PCSK6: variants seen among roughly 807,000 people sequenced by gnomAD.
PCSK6 encodes the protein proprotein convertase subtilisin/kexin type 6.
A neutral mutation model predicts 123.3 loss-of-function variants in PCSK6; 85 were observed. That is an observed-to-expected ratio of 0.69 (90% confidence interval 0.58 to 0.83). The LOEUF is 0.83. PCSK6 is among the 40% of genes least tolerant of loss of function. The probability of loss-of-function intolerance (pLI) is 0.00; values close to 1 mark genes in which losing one functional copy is unlikely to be tolerated. For missense variants in PCSK6, 1,191 were observed against 1,282.3 expected (o/e 0.93, Z 1.09); for synonymous variants, 508 against 516.0 (o/e 0.98, Z 0.21).
At chr15:101,433,760 T>C (rs1386208731) in intron 2 of PCSK6, among the ~76,000 whole-genome samples, 4 of 152,226 alleles carry the variant, frequency 2.6e-5, no homozygotes, top group African/African-American at 7.2e-5. Flanking sequence ...TCCTCCTCCC[T>C]GAGCCTTGGC....
intron 6 of PCSK6, among the ~76,000 whole-genome samples, chr15:101,413,005 TGAGGAGGAGGAGGAGGAGGAGGAG>T (rs925761371): frequency 3.8e-5 from 4 of 106,028 alleles, no homozygotes; most frequent in African/African-American, 1.6e-4. Context: ...GGAGGAGGAG[TGAGGAGGAGGAGGAGGAGGAGGAG>T]GAGGAGGAGG....
At chr15:101,426,985 C>T (rs934298030) in intron 6 of PCSK6, among the ~76,000 whole-genome samples, 1 of 152,210 alleles carries the variant, frequency 6.6e-6, no homozygotes, top group African/African-American at 2.4e-5. Flanking sequence ...CCCTGGAGGC[C>T]CTCTGGCACT....
At chr15:101,461,144 C>A (rs562100798) in intron 1 of PCSK6, among the ~76,000 whole-genome samples, 1 of 151,968 alleles carries the variant, frequency 6.6e-6, no homozygotes, top group East Asian at 1.9e-4. Flanking sequence ...AAAATTAAGG[C>A]GCAAACGAAT....
At chr15:101,419,930 T>A (rs190309970) in intron 6 of PCSK6, among the ~76,000 whole-genome samples, 40 of 152,174 alleles carry the variant, frequency 2.6e-4, no homozygotes, top group African/African-American at 9.4e-4. Flanking sequence ...CTCACACCTG[T>A]AATCCCAGTA....
At chr15:101,379,366 C>T (rs978032270) in intron 11 of PCSK6, among the ~76,000 whole-genome samples, 2 of 152,250 alleles carry the variant, frequency 1.3e-5, no homozygotes, top group African/African-American at 2.4e-5. Flanking sequence ...GGTGTGGACA[C>T]ATGCCCCAGC....
chr15:101,367,674 A>C (rs868575755), intron 12 of PCSK6, among the ~76,000 whole-genome samples: 2 of 152,246 alleles, frequency 1.3e-5, no homozygotes, highest in Non-Finnish European at 1.5e-5. Context: ...AAACTGATAA[A>C]GCTGCTAAAT....
At chr15:101,335,882 GGCT>G (rs2141378050) in intron 13 of PCSK6, among the ~76,000 whole-genome samples, 1 of 152,312 alleles carries the variant, frequency 6.6e-6, no homozygotes, top group South Asian at 2.1e-4. Flanking sequence ...TACAGCCTGC[GGCT>G]CCCAGGCCAC....
chr15:101,359,615 C>T (rs1014565987), intron 13 of PCSK6, among the ~76,000 whole-genome samples: 2 of 152,260 alleles, frequency 1.3e-5, no homozygotes, highest in Non-Finnish European at 2.9e-5. Flanking sequence ...AAGGCCAAGG[C>T]CAGAGCTGCT....
chr15:101,316,663 G>A (rs1014495622), intron 19 of PCSK6, among the ~76,000 whole-genome samples: 1 of 152,224 alleles, frequency 6.6e-6, no homozygotes, highest in Non-Finnish European at 1.5e-5. Context: ...GTGGCCTTGA[G>A]GGCTGCCCCA....
intron 15 of PCSK6, among the ~76,000 whole-genome samples, chr15:101,330,488 A>G (rs984626190): frequency 2.0e-5 from 3 of 152,004 alleles, no homozygotes; most frequent in Non-Finnish European, 4.4e-5. Context: ...TTTGGCTTCC[A>G]TACTCTGGCA....
intron 7 of PCSK6, among the ~76,000 whole-genome samples, chr15:101,394,137 G>GT (rs1444048837): frequency 0.29 from 25,550 of 88,400 alleles, 2,717 homozygotes; most frequent in East Asian, 0.42. Flanking sequence ...CCGTTTTTTT[G>GT]TTTTTTGTTT....
intron 1 of PCSK6, among the ~76,000 whole-genome samples, chr15:101,480,519 C>T (rs1250426396): frequency 6.6e-6 from 1 of 152,246 alleles, no homozygotes; most frequent in Admixed American, 6.5e-5. Context: ...GCGTGAGGCT[C>T]CTGACAGCTG....
chr15:101,448,309 G>A (rs2056945338), intron 1 of PCSK6, among the ~76,000 whole-genome samples: 1 of 152,180 alleles, frequency 6.6e-6, no homozygotes, highest in Non-Finnish European at 1.5e-5. Flanking sequence ...AACACTGGAA[G>A]GAATGAGATC....
intron 13 of PCSK6, among the ~76,000 whole-genome samples, chr15:101,356,154 A>G (rs1027079461): frequency 1.3e-5 from 2 of 152,210 alleles, no homozygotes; most frequent in Admixed American, 6.5e-5. Flanking sequence ...AATGCAGCCA[A>G]ACTTCTCCGA....
chr15:101,485,613 T>C (rs1255712181), intron 1 of PCSK6, among the ~76,000 whole-genome samples: 1 of 152,214 alleles, frequency 6.6e-6, no homozygotes, highest in Non-Finnish European at 1.5e-5. Context: ...GGAGAGCCTG[T>C]TCTCCCAGCA....
In PCSK6 at chr15:101,370,382, G is replaced by T. The variant is rs1217710454; in HGVS notation, c.1674C>A (p.Ile558=). The T allele has an allele frequency of 3.2e-6, 5 of 1,554,780 alleles. No individual in the cohort carries two copies. The African/African-American group carries it at 6.8e-5, about 21-fold the overall frequency. ...TGGTTCCCGAGGGAGAAACCAGGTA[G>T]ATCTGGAGGTCTCCTCGGCGTGGGT... ...ISHPRRGDLQ[I]YLVSPSGTKS... The change falls in exon 12 of 22, where the codon ATC becomes ATA. Residue 558 remains isoleucine, a synonymous_variant. Coordinates refer to ENST00000611716, the MANE Select transcript of PCSK6 (RefSeq NM_002570.5).
chr15:101,384,914 C>A (rs1436884280), intron 9 of PCSK6, among the ~76,000 whole-genome samples: 1 of 152,192 alleles, frequency 6.6e-6, no homozygotes, highest in East Asian at 1.9e-4. Flanking sequence ...GCAAAATATT[C>A]TTTTTGGGGA....
chr15:101,457,571 G>A (rs929276730), intron 1 of PCSK6, among the ~76,000 whole-genome samples: 5 of 152,244 alleles, frequency 3.3e-5, no homozygotes, highest in Non-Finnish European at 2.9e-5. Context: ...TGCAAAGTTA[G>A]AGAAATCCCA....
chr15:101,449,045 T>C (rs898885568), intron 1 of PCSK6, among the ~76,000 whole-genome samples: 37 of 152,154 alleles, frequency 2.4e-4, no homozygotes, highest in Non-Finnish European at 1.0e-4. Flanking sequence ...GTGCAAGTGT[T>C]TGTATACAGA....
Sources: allele counts gnomAD v4.1 joint callset (sites outside exome capture counted in the v4.1 genomes callset), GRCh38; gene constraint gnomAD v4.1.1; transcripts MANE v1.5; gene names NCBI Gene and HGNC (gene_info 2026-07-23, HGNC 2026-07-21).